The following NEMP2 variants were observed in gnomAD, a reference collection of about 807,000 sequenced individuals.
The protein encoded by NEMP2 is UPF0571 transmembrane protein.
A neutral mutation model predicts 54.2 loss-of-function variants in NEMP2; 53 were observed. The ratio of observed to expected loss-of-function variants is 0.98; its 90% CI spans 0.78 to 1.23. The LOEUF is 1.23. Among genes scored for constraint, NEMP2 ranks in the 50% most tolerant of loss-of-function variants. NEMP2 has a pLI of 0.00. For synonymous variants in NEMP2, 197 were observed against 190.3 expected, an observed-to-expected ratio of 1.04 and a Z score of -0.29; for missense variants, 455 against 511.3, an observed-to-expected ratio of 0.89 and a Z score of 1.06.
At chr2:190,497,926 G>GC in the NEMP2 span, 1 of 486,746 alleles carries the variant, frequency 2.1e-6, no homozygotes, top group Non-Finnish European at 3.5e-6. This position sits in a 1 kb window ranked among gnomAD's most constrained non-coding sequence, Gnocchi z 5.2. Context: ...CTGCCTTATG[G>GC]AGTTCAGGAA....
chr2:190,501,618 A>C (rs1004205854), downstream of NEMP2: 3 of 152,464 alleles, frequency 2.0e-5, no homozygotes, highest in Non-Finnish European at 2.9e-5. Flanking sequence ...TTACCCTCTG[A>C]CCCTGATTAG....
chr2:190,541,876 T>TC, the NEMP2 span, among the ~76,000 whole-genome samples: 8 of 151,970 alleles, frequency 5.3e-5, no homozygotes, highest in Non-Finnish European at 8.8e-5. This position sits in a 1 kb window ranked among gnomAD's most constrained non-coding sequence, Gnocchi z 5.2. Context: ...AGCAGTTTTT[T>TC]TTTTTCTTTT....
the NEMP2 span, chr2:190,611,101 A>T: frequency 1.3e-5 from 2 of 152,250 alleles, no homozygotes; most frequent in African/African-American, 4.8e-5. This position sits in a 1 kb window ranked among gnomAD's most constrained non-coding sequence, Gnocchi z 5.4. Context: ...AAAAAGTTTT[A>T]GGGTAGCCAT....
the NEMP2 span, among the ~76,000 whole-genome samples, chr2:190,606,929 C>A: frequency 6.6e-6 from 1 of 152,116 alleles, no homozygotes; most frequent in East Asian, 1.9e-4. Flanking sequence ...GACCTACTGG[C>A]AGCTTCCTTG....
the NEMP2 span, among the ~76,000 whole-genome samples, chr2:190,480,816 C>T: frequency 1.3e-5 from 2 of 152,052 alleles, no homozygotes; most frequent in African/African-American, 4.8e-5. Flanking sequence ...TAGCACAGTA[C>T]CTGACCCACA....
the NEMP2 span, among the ~76,000 whole-genome samples, chr2:190,582,367 C>T: frequency 6.6e-6 from 1 of 152,130 alleles, no homozygotes; most frequent in Admixed American, 6.6e-5. The surrounding 1 kb of genome is among the most constrained non-coding windows in gnomAD (Gnocchi z 4.6). Context: ...GCTCAGCCTA[C>T]CTATAAGAGC....
the NEMP2 span, among the ~76,000 whole-genome samples, chr2:190,494,336 G>A: frequency 6.6e-6 from 1 of 152,050 alleles, no homozygotes; most frequent in Non-Finnish European, 1.5e-5. This position sits in a 1 kb window ranked among gnomAD's most constrained non-coding sequence, Gnocchi z 5.7. Context: ...CAACTAAGTA[G>A]TGAGACTGAA....
At position 190,514,759 on chromosome 2, in the gene NEMP2, A is replaced by G; in HGVS notation, c.728-81T>C. 1 of 1,326,512 alleles carries G rather than the reference A, an allele frequency of 7.5e-7. No homozygotes were observed. Among genetic ancestry groups the G allele is most frequent in the Non-Finnish European group, 1.0e-6 (1 of 957,634 alleles). The allele number at this position is 1,326,512 out of a possible 1,614,324, so 82.2% of individuals were successfully genotyped here. A position where few individuals can be genotyped will look rare whatever the true frequency, so the allele number is the denominator to read the frequency against. ...AAAACCTGGCAGAGCCTTGACTTAA[A>G]GGTAAAAACTATTAGAGAACCTTAA... On this transcript the variant is annotated intron_variant, in intron 6 of 8. Transcript: ENST00000409150. This position sits in a 1 kb window ranked among gnomAD's most constrained non-coding sequence, Gnocchi z 5.7.
the NEMP2 span, among the ~76,000 whole-genome samples, chr2:190,597,008 T>A: frequency 5.9e-5 from 9 of 152,120 alleles, no homozygotes; most frequent in African/African-American, 2.2e-4. This position sits in a 1 kb window ranked among gnomAD's most constrained non-coding sequence, Gnocchi z 4.7. Flanking sequence ...CACACGTGTA[T>A]CCCAGCACTT....
the NEMP2 span, among the ~76,000 whole-genome samples, chr2:190,544,607 TTAG>T: frequency 6.6e-6 from 1 of 152,138 alleles, no homozygotes; most frequent in Non-Finnish European, 1.5e-5. Flanking sequence ...CTATACTGTA[TTAG>T]TGGTGAGAAA....
the NEMP2 span, among the ~76,000 whole-genome samples, chr2:190,618,548 T>G: frequency 3.3e-5 from 5 of 152,228 alleles, no homozygotes; most frequent in Non-Finnish European, 7.3e-5. Context: ...TGATATTATC[T>G]TTGGACAAAG....
chr2:190,458,661 T>C, the NEMP2 span, among the ~76,000 whole-genome samples: 1 of 152,306 alleles, frequency 6.6e-6, no homozygotes, highest in African/African-American at 2.4e-5. The surrounding 1 kb of genome is among the most constrained non-coding windows in gnomAD (Gnocchi z 5.3). Flanking sequence ...ATATGGAACT[T>C]GCTGTCTCCA....
the NEMP2 span, among the ~76,000 whole-genome samples, chr2:190,441,648 C>T: frequency 6.6e-6 from 1 of 152,116 alleles, no homozygotes; most frequent in Non-Finnish European, 1.5e-5. Flanking sequence ...AGGGAAGCTA[C>T]AGATCTCTAC....
the NEMP2 span, chr2:190,497,380 CT>C: frequency 6.4e-7 from 1 of 1,551,484 alleles, no homozygotes; most frequent in Non-Finnish European, 8.7e-7. This position sits in a 1 kb window ranked among gnomAD's most constrained non-coding sequence, Gnocchi z 5.2. Context: ...TTATTTTTAC[CT>C]TTGTTCAAAT....
chr2:190,482,399 C>CTTT, the NEMP2 span, among the ~76,000 whole-genome samples: 1 of 142,022 alleles, frequency 7.0e-6, no homozygotes, highest in Non-Finnish European at 1.5e-5. Flanking sequence ...GGAAGCTTTC[C>CTTT]TTTTTTTTTT....
At position 190,510,577 on chromosome 2, in the gene NEMP2, C is replaced by G; in HGVS notation, c.954-40G>C. ...GTGGTTGCAGGATTACTTCCTAATT[C>G]AATCCTTAAGATTTACAAAAATAGG... On this transcript the variant is annotated intron_variant, in intron 7 of 8. Coordinates refer to ENST00000409150, the MANE Select transcript of NEMP2 (RefSeq NM_001142645.2). The surrounding 1 kb of genome is among the most constrained non-coding windows in gnomAD (Gnocchi z 5.7). The G allele has an allele frequency of 6.5e-7, 1 of 1,548,398 alleles. No individual in the cohort carries two copies. The highest frequency in any genetic ancestry group is 8.7e-7 in the Non-Finnish European group (1 of 1,144,372).
intron 4 of NEMP2, among the ~76,000 whole-genome samples, 153 bp downstream of exon 4, chr2:190,518,583 G>A (rs1690643789): frequency 6.6e-6 from 1 of 152,162 alleles, no homozygotes; most frequent in Non-Finnish European, 1.5e-5. Flanking sequence ...TGTTTTCAAA[G>A]GCCTTTCCAA....
the NEMP2 span, among the ~76,000 whole-genome samples, chr2:190,441,646 T>C: frequency 6.6e-6 from 1 of 152,144 alleles, no homozygotes; most frequent in Non-Finnish European, 1.5e-5. Flanking sequence ...CTAGGGAAGC[T>C]ACAGATCTCT....
the NEMP2 span, among the ~76,000 whole-genome samples, chr2:190,611,999 T>C: frequency 6.6e-6 from 1 of 152,138 alleles, no homozygotes; most frequent in African/African-American, 2.4e-5. The surrounding 1 kb of genome is among the most constrained non-coding windows in gnomAD (Gnocchi z 5.4). Context: ...AGAGTCTTAG[T>C]GGCATTTTTA....
Sources: gnomAD v4.1 joint callset for allele counts (sites outside exome capture counted in the v4.1 genomes callset) on GRCh38, gnomAD v4.1.1 for gene constraint, Gnocchi (gnomAD v3.1) non-coding constraint, MANE v1.5 for transcripts, NCBI Gene and HGNC (gene_info 2026-07-23, HGNC 2026-07-21) for gene names.